ZNF331: variants seen among roughly 807,000 people sequenced by gnomAD.
ZNF331 encodes zinc finger protein 331.
In ZNF331, 2 loss-of-function variants were observed where a neutral mutation model predicts 7.0. The ratio of observed to expected loss-of-function variants is 0.29; its 90% CI spans 0.12 to 0.90. ZNF331 has a LOEUF of 0.90. Ranked by LOEUF, ZNF331 falls within the 40% of genes least tolerant of loss-of-function variation. The probability of loss-of-function intolerance (pLI) is 0.58; values close to 1 mark genes in which losing one functional copy is unlikely to be tolerated. For synonymous variants in ZNF331, 196 were observed against 205.4 expected (o/e 0.95, Z 0.39); for missense variants, 432 against 587.7 (o/e 0.74, Z 2.74).
chr19:53,542,797 G>A (rs191655288), intron 2 of ZNF331, among the ~76,000 whole-genome samples: 148 of 152,272 alleles, frequency 9.7e-4, no homozygotes, highest in African/African-American at 3.1e-3. Context: ...CGCAGACAGC[G>A]GGTTCAAGGA....
At chr19:53,523,373 C>A (rs1179573547) in intron 2 of ZNF331, 1 of 152,052 alleles carries the variant, frequency 6.6e-6, no homozygotes, top group African/African-American at 2.4e-5. Context: ...CACCCACCAC[C>A]ATGCCTGGCT....
chr19:53,521,362 G>GTGTGTGTGTGTGTC (rs1491407155), exon 1 of ZNF331: 1 of 153,882 alleles, frequency 6.5e-6, no homozygotes, highest in Non-Finnish European at 1.4e-5. Context: ...GTGTGTGTGT[G>GTGTGTGTGTGTGTC]AATAAGCCAG....
At chr19:53,548,445 T>C (rs895915557) in intron 2 of ZNF331, among the ~76,000 whole-genome samples, 1 of 152,076 alleles carries the variant, frequency 6.6e-6, no homozygotes, top group Non-Finnish European at 1.5e-5. Flanking sequence ...TTTGTAGATA[T>C]GGGGTCTCAC....
intron 2 of ZNF331, among the ~76,000 whole-genome samples, chr19:53,553,416 A>G (rs1197510456): frequency 6.6e-6 from 1 of 152,242 alleles, no homozygotes; most frequent in East Asian, 1.9e-4. Flanking sequence ...TAACCAGGTG[A>G]AAGATACATA....
rs1306366259 is a variant in ZNF331, at chr19:53,579,490, A to G, written c.*1538A>G. On this transcript the variant is annotated 3_prime_UTR_variant, in exon 6 of 6. Transcript: ENST00000449416. ...CTGAGACTGCTATCATGGAAATTAA[A>G]TGTTTGGTACATGTAAAGTCTTTGA... 5 of 209,442 alleles carry G rather than the reference A, an allele frequency of 2.4e-5. No homozygotes were observed. The Middle Eastern group carries it at 4.5e-3, about 188-fold the overall frequency. 13.0% of individuals were successfully genotyped at this position (209,442 alleles called of 1,614,324 possible). A position where few individuals can be genotyped will look rare whatever the true frequency, so the allele number is the denominator to read the frequency against.
upstream of ZNF331, among the ~76,000 whole-genome samples, chr19:53,520,375 G>A (rs2087020890): frequency 6.6e-6 from 1 of 152,078 alleles, no homozygotes; most frequent in South Asian, 2.1e-4. Flanking sequence ...AAGGACGCGG[G>A]GACACGCCTT....
upstream of ZNF331, among the ~76,000 whole-genome samples, chr19:53,536,889 G>A (rs2087776200): frequency 6.6e-6 from 1 of 152,144 alleles, no homozygotes; most frequent in Non-Finnish European, 1.5e-5. Flanking sequence ...GGCAACAAGA[G>A]CGAAACTCCG....
At chr19:53,554,316 T>C (rs1258110512) in intron 2 of ZNF331, among the ~76,000 whole-genome samples, 1 of 152,166 alleles carries the variant, frequency 6.6e-6, no homozygotes, top group Non-Finnish European at 1.5e-5. Flanking sequence ...TGGTCGCACA[T>C]GCGGATCAAG....
At chr19:53,572,566 ATATATAT>A (rs1373608027) in intron 5 of ZNF331, among the ~76,000 whole-genome samples, 4 of 58,818 alleles carry the variant, frequency 6.8e-5, no homozygotes, top group Admixed American at 1.3e-4. Flanking sequence ...ATACACACAC[ATATATAT>A]TATATATACA....
At chr19:53,538,857 A>G (rs1006986593) in intron 1 of ZNF331, 2 of 152,434 alleles carry the variant, frequency 1.3e-5, no homozygotes, top group African/African-American at 4.8e-5. Flanking sequence ...CCTCCTAACC[A>G]AGCGGTACCT....
chr19:53,514,491 G>A, the ZNF331 span, among the ~76,000 whole-genome samples: 2 of 152,070 alleles, frequency 1.3e-5, no homozygotes, highest in African/African-American at 2.4e-5. Flanking sequence ...GTGAGCCACC[G>A]CGCCTAGCCC....
chr19:53,535,722 T>C (rs776118405), upstream of ZNF331, among the ~76,000 whole-genome samples: 1 of 152,216 alleles, frequency 6.6e-6, no homozygotes, highest in South Asian at 2.1e-4. Flanking sequence ...CAAGGTTATA[T>C]GTGCAAGTAA....
rs1600180718 is a variant in ZNF331, at chr19:53,521,118, T to C, written c.-1239T>C. The C allele has an allele frequency of 2.0e-5, 3 of 152,424 alleles. No homozygotes were observed. The South Asian group carries it at 6.2e-4, about 32-fold the overall frequency. 9.4% of individuals were successfully genotyped at this position (152,424 alleles called of 1,614,324 possible). On this transcript the variant is annotated 5_prime_UTR_variant, in exon 1 of 7. Transcript: ENST00000253144. ...TAAAAATGGTTTCTCCTGGATCTTATCCCAACTGCGCCTGAGACCTTGTTT... is the reference window on the plus strand; with the variant it reads ...TAAAAATGGTTTCTCCTGGATCTTACCCCAACTGCGCCTGAGACCTTGTTT...
intron 2 of ZNF331, among the ~76,000 whole-genome samples, chr19:53,550,081 T>C (rs962890610): frequency 6.6e-6 from 1 of 152,230 alleles, no homozygotes; most frequent in Non-Finnish European, 1.5e-5. Flanking sequence ...TTTATGCCCT[T>C]GTGGTTGGAA....
At chr19:53,517,060 A>C (rs919272299), upstream of ZNF331, among the ~76,000 whole-genome samples, 2 of 152,160 alleles carry the variant, frequency 1.3e-5, no homozygotes, top group African/African-American at 4.8e-5. Flanking sequence ...TTCCACAGGC[A>C]CACGTGGTAG....
chr19:53,566,993 A>G (rs544295468), intron 3 of ZNF331, among the ~76,000 whole-genome samples: 11 of 152,082 alleles, frequency 7.2e-5, no homozygotes, highest in Admixed American at 4.6e-4. Context: ...ATATAGACAG[A>G]TGCGTGTGTG....
rs1011094685 is a variant in ZNF331, at chr19:53,558,039, A to C, written c.-74+2131A>C. 6.6e-6 allele frequency among the ~76,000 whole-genome samples: 1 copy of C among 152,162 alleles called. No individual in the cohort carries two copies. Among genetic ancestry groups the C allele is most frequent in the Admixed American group, 6.5e-5 (1 of 15,276 alleles). ...AGTGGACATCAGCCGGATGTCCTGC[A>C]GTTCAGTTCTGACACCATCTACCTG... On this transcript the variant is annotated intron_variant, in intron 3 of 5. Transcript: ENST00000449416. This position sits in a 1 kb window ranked among gnomAD's most constrained non-coding sequence, Gnocchi z 4.5.
At chr19:53,572,979 G>C in intron 5 of ZNF331, among the ~76,000 whole-genome samples, 1 of 152,158 alleles carries the variant, frequency 6.6e-6, no homozygotes, top group East Asian at 1.9e-4. Context: ...AGCACTTTGG[G>C]AGGCTGAGGT....
chr19:53,535,412 T>A (rs1370623210), upstream of ZNF331, among the ~76,000 whole-genome samples: 1 of 152,156 alleles, frequency 6.6e-6, no homozygotes, highest in Non-Finnish European at 1.5e-5. Flanking sequence ...ATTTATACCA[T>A]CTAAAGATAA....
Sources: gnomAD v4.1 joint callset for allele counts (sites outside exome capture counted in the v4.1 genomes callset) on GRCh38, gnomAD v4.1.1 for gene constraint, Gnocchi (gnomAD v3.1) non-coding constraint, MANE v1.5 for transcripts, NCBI Gene and HGNC (gene_info 2026-07-23, HGNC 2026-07-21) for gene names.